Variants in PRX observed in about 807,000 individuals in gnomAD.
The protein encoded by PRX is periaxin.
In PRX, 24 loss-of-function variants were observed where a neutral mutation model predicts 29.6. The ratio of observed to expected loss-of-function variants is 0.81; its 90% CI spans 0.59 to 1.14. The LOEUF is 1.14. Ranked by LOEUF, PRX falls within the 50% of genes most tolerant of loss-of-function variation. The pLI is 0.00. For synonymous variants in PRX, 772 were observed against 831.7 expected (o/e 0.93, Z 1.24); for missense variants, 1,838 against 1,926.4 (o/e 0.95, Z 0.86).
In PRX at chr19:40,406,508, C is replaced by G. The variant is rs147184563; in HGVS notation, c.27+1398G>C. Among the ~76,000 whole-genome samples, 471 of 152,254 alleles carry G rather than the reference C, an allele frequency of 3.1e-3. 3 individuals carry two copies. Among genetic ancestry groups the G allele is most frequent in the African/African-American group, 0.011 (456 of 41,554 alleles). ...AAGCGGCTGGGCCTCAACCTTAGGTCTGTGACCCCAGAACTCATAGGCCAT... is the reference window on the plus strand; with the variant it reads ...AAGCGGCTGGGCCTCAACCTTAGGTGTGTGACCCCAGAACTCATAGGCCAT... On this transcript the variant is annotated intron_variant, in intron 4 of 6. Coordinates refer to ENST00000324001, the MANE Select transcript of PRX (RefSeq NM_181882.3).
chr19:40,404,420 G>T (rs2079518334), intron 4 of PRX, among the ~76,000 whole-genome samples: 1 of 148,138 alleles, frequency 6.8e-6, no homozygotes, highest in Non-Finnish European at 1.5e-5. Context: ...CGGGAGGGCG[G>T]GGCTGGGGGG....
intron 5 of PRX, among the ~76,000 whole-genome samples, chr19:40,399,883 CTTT>C (rs1568711735): frequency 1.4e-5 from 1 of 71,772 alleles, no homozygotes; most frequent in African/African-American, 7.8e-5. Context: ...TTCTTTCTTT[CTTT>C]CTTTCTTTCT....
At chr19:40,411,470 A>G (rs2079558504) in intron 1 of PRX, among the ~76,000 whole-genome samples, 1 of 152,150 alleles carries the variant, frequency 6.6e-6, no homozygotes, top group Non-Finnish European at 1.5e-5. Flanking sequence ...TGTAGGTGGT[A>G]GTAGAGGGGG....
intron 4 of PRX, among the ~76,000 whole-genome samples, chr19:40,405,334 C>T (rs2079523751): frequency 6.6e-6 from 1 of 152,112 alleles, no homozygotes; most frequent in African/African-American, 2.4e-5. Context: ...CACTTCCCTG[C>T]TGCAAAATAG....
chr19:40,396,430 A>G lies in PRX; in HGVS notation c.1922T>C (p.Leu641Pro). The stretch of plus-strand genomic sequence containing the variant: ...CACAGCCATCTCGGGCACCTTCGGG[A>G]GTTTCACCTCAGGGAGTTTCATCTC... ...LPEMKLPEVK[L>P]PKVPEMAVPD... The change falls in exon 7 of 7, where the codon CTC (leucine) becomes CCC (proline). Residue 641 changes from leucine (L) to proline (P), a missense_variant. Leu to Pro is a moderately conservative substitution (Grantham distance 98). Coordinates refer to ENST00000324001, the MANE Select transcript of PRX (RefSeq NM_181882.3). 6.2e-7 allele frequency: 1 copy of G among 1,610,764 alleles called. No homozygotes were observed.
In PRX at chr19:40,397,231, T is replaced by A; in HGVS notation, c.1121A>T (p.Glu374Val). 6.2e-7 allele frequency: 1 copy of A among 1,613,880 alleles called. No homozygotes were observed. Among genetic ancestry groups the A allele is most frequent in the Non-Finnish European group, 8.5e-7 (1 of 1,180,018 alleles). The change falls in exon 7 of 7, where the codon GAG becomes GTG. Residue 374 changes from glutamate to valine, a missense_variant. Physicochemically the swap from Glu to Val is moderately radical, Grantham distance 121. Around this residue, in one of 3 missense-constraint regions of PRX, gnomAD observed 666 missense variants for 665.0 expected, o/e 1.00. Coordinates refer to ENST00000324001, the MANE Select transcript of PRX (RefSeq NM_181882.3). Reference protein sequence around the residue: ...RFGARAKEVAEAKVAKVSPEA... With the variant: ...RFGARAKEVAVAKVAKVSPEA... ...AGGGCTGACCTTGGCTACCTTGGCC[T>A]CAGCAACTTCCTTTGCTCGAGCCCC...
rs538082609 is a variant in PRX, at chr19:40,398,446, C to G, written c.381+174G>C. ...GCCCTGGGCTGGGGTGGGTCTGTCCCCCTTCCCGGGGAAGAGTTTGGGGCA... is the reference window on the plus strand; with the variant it reads ...GCCCTGGGCTGGGGTGGGTCTGTCCGCCTTCCCGGGGAAGAGTTTGGGGCA... On this transcript the variant is annotated intron_variant, in intron 6 of 6. Coordinates refer to ENST00000324001, the MANE Select transcript of PRX (RefSeq NM_181882.3). This position sits in a 1 kb window ranked among gnomAD's most constrained non-coding sequence, Gnocchi z 6.3. 6.6e-7 allele frequency: 1 copy of G among 1,516,796 alleles called. No homozygotes were observed. Among genetic ancestry groups the G allele is most frequent in the Non-Finnish European group, 8.8e-7 (1 of 1,137,484 alleles). The allele number at this position is 1,516,796 out of a possible 1,614,324, so 94.0% of individuals were successfully genotyped here. A position where few individuals can be genotyped will look rare whatever the true frequency, so the allele number is the denominator to read the frequency against.
rs1158092551 is a variant in PRX, at chr19:40,399,276, C to CA, written c.185-461_185-460insT. ...GGACATCCTCCAGCAATTCTCTCCT[C>CA]TTCCCACGTCATCAGTTGTCCTTCT... On this transcript the variant is annotated intron_variant, in intron 5 of 6. Transcript: ENST00000324001. Among the ~76,000 whole-genome samples the CA allele has an allele frequency of 5.3e-5, 8 of 152,298 alleles. 1 individual carries two copies. Among genetic ancestry groups the CA allele is most frequent in the Non-Finnish European group, 2.9e-5 (2 of 68,034 alleles).
chr19:40,394,514 C>G lies in PRX; in HGVS notation c.3838G>C (p.Glu1280Gln), dbSNP rs146205352. ...RTFCLSLPDV[E>Q]LSPSGGNHAE... ...TGGTTGCCCCCGGATGGCGAGAGCT[C>G]CACGTCGGGCAGTGAGAGGCAGAAG... The change falls in exon 7 of 7, where the codon GAG becomes CAG. Residue 1280 changes from glutamate (E) to glutamine (Q), a missense_variant. This residue lies in a region of PRX where 1,143 missense variants were observed against 1,193.0 expected (regional missense o/e 0.96). Coordinates refer to ENST00000324001, the MANE Select transcript of PRX (RefSeq NM_181882.3). The surrounding 1 kb of genome is among the most constrained non-coding windows in gnomAD (Gnocchi z 5.8). 2.4e-4 allele frequency: 380 copies of G among 1,599,954 alleles called. No homozygotes were observed. The African/African-American group carries it at 4.7e-3, about 20-fold the overall frequency.
chr19:40,407,481 G>T, intron 4 of PRX: 1 of 223,480 alleles, frequency 4.5e-6, no homozygotes, highest in Non-Finnish European at 9.1e-6. Context: ...TTTTTTTTCC[G>T]GTAGAGACAG....
chr19:40,394,635 G>C lies in PRX; in HGVS notation c.3717C>G (p.Gly1239=). Residue 1239 remains glycine, a synonymous_variant, in exon 7 of 7, where the codon GGC becomes GGG. Coordinates refer to ENST00000324001, the MANE Select transcript of PRX (RefSeq NM_181882.3). The surrounding 1 kb of genome is among the most constrained non-coding windows in gnomAD (Gnocchi z 5.8). ...GCAACTTCAGCCTCAGCCCACCCTC[G>C]CCTGTGGCCGCCTCGCCCGCCTGTG... ...REAQAGEAAT[G]EGGLRLKLPT... is the part of the protein sequence containing the mutation. 6.2e-7 allele frequency: 1 copy of C among 1,606,816 alleles called. No homozygotes were observed. Among genetic ancestry groups the C allele is most frequent in the Non-Finnish European group, 8.5e-7 (1 of 1,179,640 alleles).
intron 5 of PRX, among the ~76,000 whole-genome samples, chr19:40,399,297 C>T (rs1432369808): frequency 1.3e-5 from 2 of 152,176 alleles, no homozygotes; most frequent in Admixed American, 6.5e-5. Flanking sequence ...ATCAGTTGTC[C>T]TTCTCGTCTA....
In PRX at chr19:40,398,850, C is replaced by T; in HGVS notation, c.185-34G>A. 1 of 1,613,580 alleles carries T rather than the reference C, an allele frequency of 6.2e-7. No homozygotes were observed. The highest frequency in any genetic ancestry group is 1.7e-4 in the Middle Eastern group (1 of 5,974). ...GAGGTGGAGGTGCGCAGCACGTGGG[C>T]ATCTCCCGGCTCCGCCCGGGCCTAG... On this transcript the variant is annotated intron_variant, in intron 5 of 6. Transcript: ENST00000324001. This position sits in a 1 kb window ranked among gnomAD's most constrained non-coding sequence, Gnocchi z 6.3.
intron 5 of PRX, among the ~76,000 whole-genome samples, chr19:40,401,199 C>A (rs2079491670): frequency 1.3e-5 from 2 of 152,182 alleles, no homozygotes; most frequent in Non-Finnish European, 2.9e-5. Context: ...CCCTTTGGTC[C>A]TGAGCATCCT....
At position 40,396,641 on chromosome 19, in the gene PRX, C is replaced by T. The variant is rs761264097; in HGVS notation, c.1711G>A (p.Glu571Lys). The change falls in exon 7 of 7, where the codon GAG becomes AAG. Residue 571 changes from glutamate (E) to lysine (K), a missense_variant. Physicochemically the swap from Glu to Lys is moderately conservative, Grantham distance 56. This residue lies in a region of PRX where 1,143 missense variants were observed against 1,193.0 expected (regional missense o/e 0.96). Coordinates refer to ENST00000324001, the MANE Select transcript of PRX (RefSeq NM_181882.3). ...TCTGGCACTTTCGGCAGCTGCACCT[C>T]TGGAAGCCGCACCTCTGGCACAGCC... is the stretch of plus-strand genomic sequence containing the variant. ...EVAVPEVRLP[E>K]VQLPKVPEMK... 1.1e-5 allele frequency: 17 copies of T among 1,614,112 alleles called. No individual in the cohort carries two copies. Among genetic ancestry groups the T allele is most frequent in the Middle Eastern group, 3.3e-4 (2 of 6,062 alleles).
chr19:40,412,143 G>A (rs2079561303), intron 1 of PRX, among the ~76,000 whole-genome samples: 2 of 152,212 alleles, frequency 1.3e-5, no homozygotes. Flanking sequence ...AACTTCACTT[G>A]GGAACCCTGC....
chr19:40,395,294 T>C lies in PRX; in HGVS notation c.3058A>G (p.Arg1020Gly), dbSNP rs986274653. The part of the protein sequence containing the change: ...AGADLKFKGP[R>G]FALPKFGVRG... ...ACCCCAAACTTGGGGAGAGCAAACC[T>C]GGGCCCCTTGAACTTGAGGTCGGCC... The change falls in exon 7 of 7, where the codon AGG (arginine) becomes GGG (glycine). Residue 1020 changes from arginine to glycine, a missense_variant. Arg to Gly is a moderately radical substitution (Grantham distance 125, BLOSUM62 -2). Coordinates refer to ENST00000324001, the MANE Select transcript of PRX (RefSeq NM_181882.3). 1 of 1,613,528 alleles carries C rather than the reference T, an allele frequency of 6.2e-7. No homozygotes were observed. The highest frequency in any genetic ancestry group is 8.5e-7 in the Non-Finnish European group (1 of 1,180,012).
Position 40,394,668 on chromosome 19 carries a change from G to A in PRX, c.3684C>T (p.Ser1228=), listed in dbSNP as rs757876991. Residue 1228 remains serine (S), a synonymous_variant, in exon 7 of 7, where the codon AGC becomes AGT. Coordinates refer to ENST00000324001, the MANE Select transcript of PRX (RefSeq NM_181882.3). This position sits in a 1 kb window ranked among gnomAD's most constrained non-coding sequence, Gnocchi z 5.8. ...VPQLELDVGL[S]REAQAGEAAT... ...CCGCCTCGCCCGCCTGTGCCTCTCG[G>A]CTTAGCCCCACGTCCAGCTCAAGCT... is the stretch of plus-strand genomic sequence containing the variant. 1.2e-6 allele frequency: 2 copies of A among 1,608,808 alleles called. No homozygotes were observed. Among genetic ancestry groups the A allele is most frequent in the Non-Finnish European group, 1.7e-6 (2 of 1,179,926 alleles).
rs774974168 is a variant in PRX, at chr19:40,403,729, G to A, written c.161C>T (p.Ala54Val). Residue 54 changes from alanine to valine, a missense_variant, in exon 5 of 7, where the codon GCC (alanine) becomes GTC (valine). By Grantham distance (64) the Ala-to-Val change is moderately conservative. Transcript: ENST00000324001. The part of the protein sequence containing the change: ...VRELREDSPA[A>V]RSLSLQEGDQ... Reference sequence around the variant, plus strand: ...ACCTTCCTGCAGGCTGAGGCTCCTGGCGGCGGGTGAGTCCTCGCGCAGCTC... The same window carrying A: ...ACCTTCCTGCAGGCTGAGGCTCCTGACGGCGGGTGAGTCCTCGCGCAGCTC... 5.1e-6 allele frequency: 8 copies of A among 1,564,890 alleles called. No individual in the cohort carries two copies. The South Asian group carries it at 8.2e-5, about 16-fold the overall frequency.
Sources: gnomAD v4.1 joint callset for allele counts (sites outside exome capture counted in the v4.1 genomes callset) on GRCh38, gnomAD v4.1.1 for gene constraint, gnomAD v4.1.1 regional missense constraint, Gnocchi (gnomAD v3.1) non-coding constraint, MANE v1.5 for transcripts, NCBI Gene and HGNC (gene_info 2026-07-23, HGNC 2026-07-21) for gene names.